Variants in CHAT observed in about 807,000 individuals in gnomAD.
CHAT encodes the protein acetyl CoA:choline O-acetyltransferase.
A neutral mutation model predicts 76.9 loss-of-function variants in CHAT; 61 were observed. The observed-to-expected ratio is 0.79, with a 90% CI of 0.65 to 0.98. CHAT has a LOEUF of 0.98. CHAT is among the 50% of genes least tolerant of loss of function. CHAT has a pLI of 0.00. For missense variants in CHAT, 946 were observed against 986.9 expected (o/e 0.96, Z 0.56); for synonymous variants, 407 against 397.4 (o/e 1.02, Z -0.29).
intron 7 of CHAT, among the ~76,000 whole-genome samples, chr10:49,643,792 C>T (rs1839566558): frequency 6.6e-6 from 1 of 152,220 alleles, no homozygotes; most frequent in South Asian, 2.1e-4. Context: ...CCCTACTTTG[C>T]CCAGGCCAAG....
intron 13 of CHAT, among the ~76,000 whole-genome samples, chr10:49,655,799 T>C (rs1425034697): frequency 6.6e-6 from 1 of 151,868 alleles, no homozygotes; most frequent in Admixed American, 6.6e-5. Context: ...GCGATGGGGG[T>C]CACACACCTT....
intron 7 of CHAT, among the ~76,000 whole-genome samples, chr10:49,642,980 C>G (rs1839536338): frequency 6.6e-6 from 1 of 152,190 alleles, no homozygotes; most frequent in Non-Finnish European, 1.5e-5. Flanking sequence ...CATTCATAGC[C>G]CTTGTTGATG....
intron 14 of CHAT, among the ~76,000 whole-genome samples, chr10:49,663,587 A>G (rs193015054): frequency 6.6e-6 from 1 of 152,320 alleles, no homozygotes; most frequent in Non-Finnish European, 1.5e-5. Context: ...CGTGTCCTGT[A>G]TGAGAGCCAC....
In CHAT at chr10:49,614,554, C is replaced by T. The variant is rs533560996; in HGVS notation, c.286+79C>T. 2.8e-3 allele frequency: 3,681 copies of T among 1,301,726 alleles called. 15 individuals are homozygous for T. Among genetic ancestry groups the T allele is most frequent in the Non-Finnish European group, 2.9e-3 (2,750 of 939,078 alleles). The allele number at this position is 1,301,726 out of a possible 1,614,324, so 80.6% of individuals were successfully genotyped here. A position where few individuals can be genotyped will look rare whatever the true frequency, so the allele number is the denominator to read the frequency against. The stretch of plus-strand genomic sequence containing the variant: ...GGCGGTCGGGGGCTCTATCCAGGGA[C>T]AGCACCGGGGCCGAGAGGCCCCAGG... On this transcript the variant is annotated intron_variant, in intron 1 of 14. Coordinates refer to ENST00000337653, the MANE Select transcript of CHAT (RefSeq NM_020549.5).
upstream of CHAT, chr10:49,613,917 C>T: frequency 1.7e-6 from 1 of 579,076 alleles, no homozygotes; most frequent in Non-Finnish European, 3.1e-6. Context: ...TTGAGACTGG[C>T]CTGGATGGTG....
chr10:49,655,366 CCT>C lies in CHAT; in HGVS notation c.1777-17_1777-16del, dbSNP rs1361453345. The stretch of plus-strand genomic sequence containing the variant: ...AAGCAGCCTTTTAAACCCCGCGCTG[CCT>C]CTGTGTTCTGTTGACAGGCTTCTGA... On this transcript the variant is annotated intron_variant, in intron 12 of 14. Transcript: ENST00000337653. 3.1e-6 allele frequency: 5 copies of C among 1,614,014 alleles called. No individual in the cohort carries two copies. The highest frequency in any genetic ancestry group is 4.2e-6 in the Non-Finnish European group (5 of 1,179,928).
rs1195554375 is a variant in CHAT at position 49,666,906 on chromosome 10, G to C, written c.*1860G>C. ...AAAGCTACTTGTCTGTTCTCTCCAA[G>C]TGACCACAGTGCAGATCTGAGTTCT... is the stretch of plus-strand genomic sequence containing the variant. On this transcript the variant is annotated 3_prime_UTR_variant, in exon 15 of 15. Coordinates refer to ENST00000337653, the MANE Select transcript of CHAT (RefSeq NM_020549.5). Among the ~76,000 whole-genome samples the C allele has an allele frequency of 6.6e-6, 1 of 152,162 alleles. No individual in the cohort carries two copies. Among genetic ancestry groups the C allele is most frequent in the Non-Finnish European group, 1.5e-5 (1 of 68,038 alleles).
chr10:49,657,489 C>G (rs1379414448), intron 13 of CHAT, among the ~76,000 whole-genome samples: 3 of 152,108 alleles, frequency 2.0e-5, no homozygotes, highest in Admixed American at 1.3e-4. Context: ...TTCCTCTCTA[C>G]CACCCCAGGC....
At chr10:49,622,727 G>A (rs1020578460) in intron 5 of CHAT, among the ~76,000 whole-genome samples, 3 of 152,200 alleles carry the variant, frequency 2.0e-5, no homozygotes, top group Non-Finnish European at 4.4e-5. Flanking sequence ...AGTCTCTCAA[G>A]GTAGAGACTA....
rs200952696 is a variant in CHAT at position 49,627,809 on chromosome 10, C to A, written c.1111+24C>A. ...AGGTCAGCCGCAGTGCCCAGCACATCTCCATGCCCATCTCATGCTCGTGCC... is the reference window on the plus strand; with the variant it reads ...AGGTCAGCCGCAGTGCCCAGCACATATCCATGCCCATCTCATGCTCGTGCC... On this transcript the variant is annotated intron_variant, in intron 7 of 14. Coordinates refer to ENST00000337653, the MANE Select transcript of CHAT (RefSeq NM_020549.5). 53 of 1,610,022 alleles carry A rather than the reference C, an allele frequency of 3.3e-5. No individual in the cohort carries two copies. In the South Asian group the frequency reaches 5.5e-4, roughly 17 times the overall value.
At chr10:49,612,446 C>A (rs371986112), upstream of CHAT, 2,120 of 1,081,270 alleles carry the variant, frequency 2.0e-3, 16 homozygotes, top group South Asian at 0.017. Flanking sequence ...CAGCGAGTAC[C>A]CCAGCCACTC....
intron 2 of CHAT, among the ~76,000 whole-genome samples, chr10:49,617,580 T>A (rs1838544252): frequency 6.6e-6 from 1 of 152,192 alleles, no homozygotes; most frequent in East Asian, 1.9e-4. Context: ...CACTGCTGAT[T>A]CCCTGTTAGC....
At chr10:49,626,678 G>A (rs527861019) in intron 6 of CHAT, among the ~76,000 whole-genome samples, 2 of 152,308 alleles carry the variant, frequency 1.3e-5, no homozygotes, top group South Asian at 4.1e-4. Flanking sequence ...ACCTCTTCCA[G>A]ACATGCTCTG....
chr10:49,663,325 A>T (rs1166507062), intron 14 of CHAT, among the ~76,000 whole-genome samples: 2 of 152,144 alleles, frequency 1.3e-5, no homozygotes, highest in African/African-American at 2.4e-5. Flanking sequence ...ACAGGAACAT[A>T]CCCATTCTGG....
At chr10:49,632,677 G>T (rs1376758394) in intron 7 of CHAT, among the ~76,000 whole-genome samples, 1 of 152,158 alleles carries the variant, frequency 6.6e-6, no homozygotes, top group African/African-American at 2.4e-5. Context: ...TGGGGCAGGG[G>T]CTTTTCCACC....
chr10:49,632,632 C>A (rs1839163395), intron 7 of CHAT, among the ~76,000 whole-genome samples: 3 of 152,178 alleles, frequency 2.0e-5, no homozygotes, highest in Admixed American at 2.0e-4. Flanking sequence ...TCAGATGAAA[C>A]ACTTCCCCGG....
chr10:49,626,069 A>T (rs1013877104), intron 6 of CHAT, among the ~76,000 whole-genome samples: 1 of 152,190 alleles, frequency 6.6e-6, no homozygotes, highest in East Asian at 1.9e-4. Context: ...CATTCATCCC[A>T]CTTAATCCTC....
upstream of CHAT, chr10:49,612,297 T>A: frequency 1.2e-6 from 2 of 1,612,194 alleles, no homozygotes; most frequent in East Asian, 4.5e-5. Context: ...GCCCTTTTGA[T>A]GCGTGCGAGG....
At chr10:49,653,359 C>G (rs1257694222) in intron 11 of CHAT, among the ~76,000 whole-genome samples, 3 of 152,190 alleles carry the variant, frequency 2.0e-5, no homozygotes, top group African/African-American at 7.2e-5. Context: ...CAGCTCCTGA[C>G]AGTTCCAGGG....
Sources: gnomAD v4.1 joint callset for allele counts (sites outside exome capture counted in the v4.1 genomes callset) on GRCh38, gnomAD v4.1.1 for gene constraint, MANE v1.5 for transcripts, NCBI Gene and HGNC (gene_info 2026-07-23, HGNC 2026-07-21) for gene names.